The following NPR3 variants were observed in gnomAD, a reference collection of about 807,000 sequenced individuals.
The protein encoded by NPR3 is natriuretic peptide receptor 3.
A neutral mutation model predicts 54.5 loss-of-function variants in NPR3; 34 were observed. That is an observed-to-expected ratio of 0.62 (90% CI 0.47 to 0.83). The LOEUF (loss-of-function observed/expected upper bound fraction) is 0.83. Ranked by LOEUF, NPR3 falls within the 40% of genes least tolerant of loss-of-function variation. The pLI is 0.00. For missense variants in NPR3, 674 were observed against 720.8 expected (o/e 0.94, Z 0.74); for synonymous variants, 289 against 297.1 (o/e 0.97, Z 0.28).
At chr5:32,743,243 G>T (rs1279372491) in intron 3 of NPR3, among the ~76,000 whole-genome samples, 1 of 152,110 alleles carries the variant, frequency 6.6e-6, no homozygotes, top group Non-Finnish European at 1.5e-5. Context: ...GCAGTTTTAA[G>T]ATGCAATACA....
chr5:32,711,664 G>C lies in NPR3; in HGVS notation c.-113G>C. On this transcript the variant is annotated 5_prime_UTR_variant, in exon 1 of 8. Coordinates refer to ENST00000265074, the MANE Select transcript of NPR3 (RefSeq NM_001204375.2). ...AGGGGGTATTCTATTTTGTTAAAGC[G>C]CCCAAGGGGGCGCAGGGACCTTGGA... 4.6e-6 allele frequency: 6 copies of C among 1,309,070 alleles called. No individual in the cohort carries two copies. Among genetic ancestry groups the C allele is most frequent in the Non-Finnish European group, 5.8e-6 (6 of 1,033,452 alleles). 81.1% of individuals were successfully genotyped at this position (1,309,070 alleles called of 1,614,324 possible).
Position 32,786,587 on chromosome 5 carries a change from A to C in NPR3, c.*242A>C. The C allele has an allele frequency of 2.1e-6, 1 of 474,502 alleles. No individual in the cohort carries two copies. The highest frequency in any genetic ancestry group is 3.6e-6 in the Non-Finnish European group (1 of 273,982). 29.4% of individuals were successfully genotyped at this position (474,502 alleles called of 1,614,324 possible). On this transcript the variant is annotated 3_prime_UTR_variant, in exon 8 of 8. Transcript: ENST00000265074. The stretch of plus-strand genomic sequence containing the variant: ...TATCGTGTCACTCTGTTAAATGTTC[A>C]TACTGTTTCAAGCCCATATGATTAG...
At chr5:32,705,361 T>C (rs1737959830), upstream of NPR3, among the ~76,000 whole-genome samples, 1 of 152,244 alleles carries the variant, frequency 6.6e-6, no homozygotes, top group Non-Finnish European at 1.5e-5. Context: ...ATTCTCACAC[T>C]GCTATAAAGA....
At chr5:32,720,347 T>C (rs1400828828) in intron 1 of NPR3, among the ~76,000 whole-genome samples, 1 of 152,182 alleles carries the variant, frequency 6.6e-6, no homozygotes, top group African/African-American at 2.4e-5. Context: ...ACATTAGAGG[T>C]TTCTCCCAAT....
chr5:32,736,406 T>A (rs1003124543), intron 2 of NPR3, among the ~76,000 whole-genome samples: 6 of 152,222 alleles, frequency 3.9e-5, no homozygotes, highest in African/African-American at 1.2e-4. Flanking sequence ...GTGTGTTTTC[T>A]AATTACATAA....
chr5:32,789,817 C>T lies in NPR3; in HGVS notation c.*3472C>T, dbSNP rs1286867797. 2.0e-6 allele frequency: 1 copy of T among 490,834 alleles called. No homozygotes were observed. Among genetic ancestry groups the T allele is most frequent in the Non-Finnish European group, 4.2e-6 (1 of 240,570 alleles). 30.4% of individuals were successfully genotyped at this position (490,834 alleles called of 1,614,324 possible). A position where few individuals can be genotyped will look rare whatever the true frequency, so the allele number is the denominator to read the frequency against. ...CAGAAAGTAGGTTCCAGTGGCGTCA[C>T]TACCTTCTTGTAAGCCAGTATACAC... is the stretch of plus-strand genomic sequence containing the variant. On this transcript the variant is annotated 3_prime_UTR_variant, in exon 8 of 8. Coordinates refer to ENST00000265074, the MANE Select transcript of NPR3 (RefSeq NM_001204375.2).
At chr5:32,734,317 C>A (rs1194883792) in intron 2 of NPR3, among the ~76,000 whole-genome samples, 4 of 152,176 alleles carry the variant, frequency 2.6e-5, no homozygotes, top group South Asian at 4.1e-4. Flanking sequence ...TGGACACATT[C>A]TGTGATGTCT....
intron 1 of NPR3, among the ~76,000 whole-genome samples, chr5:32,720,819 T>C (rs759813740): frequency 6.6e-6 from 1 of 152,208 alleles, no homozygotes; most frequent in African/African-American, 2.4e-5. Flanking sequence ...GCAGCTAGTA[T>C]AGTTCTCCTG....
At position 32,724,694 on chromosome 5, in the gene NPR3, CT is replaced by C. The variant is rs1229427752; in HGVS notation, c.770-3del. The C allele has an allele frequency of 6.2e-7, 1 of 1,613,824 alleles. No individual in the cohort carries two copies. The highest frequency in any genetic ancestry group is 1.3e-5 in the African/African-American group (1 of 74,914). ...CTCATGTGTGTTGTTTGTTCCTCCC[CT>C]AGTGGTGATCATGTGTGCGAGCAGT... On this transcript the variant is annotated splice_polypyrimidine_tract_variant and splice_region_variant and intron_variant, in intron 1 of 7. Transcript: ENST00000265074.
intron 1 of NPR3, among the ~76,000 whole-genome samples, chr5:32,698,829 T>C (rs1740597997): frequency 6.6e-6 from 1 of 152,244 alleles, no homozygotes; most frequent in Admixed American, 6.5e-5. Context: ...GAATATCTTT[T>C]CCATCCCTTT....
Position 32,739,005 on chromosome 5 carries a change from A to T in NPR3, c.1034A>T (p.Lys345Ile). 1 of 1,613,970 alleles carries T rather than the reference A, an allele frequency of 6.2e-7. No individual in the cohort carries two copies. Among genetic ancestry groups the T allele is most frequent in the Non-Finnish European group, 8.5e-7 (1 of 1,179,858 alleles). ...FSMEVKSSVE[K>I]QGLNMEDYVN... ...ATGGAGGTGAAAAGTTCAGTTGAGA[A>T]ACAAGGGCTCAATATGGAGGATTAC... The change falls in exon 3 of 8, where the codon AAA becomes ATA. Residue 345 changes from lysine to isoleucine, a missense_variant. Lys to Ile is a moderately radical substitution (Grantham distance 102). Coordinates refer to ENST00000265074, the MANE Select transcript of NPR3 (RefSeq NM_001204375.2).
At chr5:32,773,626 CT>C (rs1443023957) in intron 3 of NPR3, among the ~76,000 whole-genome samples, 1 of 152,146 alleles carries the variant, frequency 6.6e-6, no homozygotes, top group South Asian at 2.1e-4. Flanking sequence ...CTCAGTTCGA[CT>C]TTTTTTCACT....
chr5:32,772,656 A>G (rs2112043427), intron 3 of NPR3, among the ~76,000 whole-genome samples: 1 of 152,342 alleles, frequency 6.6e-6, no homozygotes, highest in South Asian at 2.1e-4. Flanking sequence ...TACTGGTGTT[A>G]ATAATTTGAA....
intron 3 of NPR3, among the ~76,000 whole-genome samples, chr5:32,762,701 G>T (rs1412174784): frequency 1.3e-5 from 2 of 151,814 alleles, no homozygotes; most frequent in Admixed American, 1.3e-4. Flanking sequence ...TTGTAAATTT[G>T]TTTACGTTCT....
intron 1 of NPR3, among the ~76,000 whole-genome samples, chr5:32,715,040 C>T (rs965579994): frequency 6.6e-6 from 1 of 152,152 alleles, no homozygotes; most frequent in African/African-American, 2.4e-5. Flanking sequence ...AATAAATGTG[C>T]GGTTTCATTG....
chr5:32,779,558 C>A (rs1742232182), intron 4 of NPR3, among the ~76,000 whole-genome samples: 1 of 152,182 alleles, frequency 6.6e-6, no homozygotes, highest in African/African-American at 2.4e-5. Flanking sequence ...TCTCACAATT[C>A]TTCTGGTCTC....
Position 32,789,217 on chromosome 5 carries a change from C to T in NPR3, c.*2872C>T, listed in dbSNP as rs999764358. The T allele has an allele frequency of 1.4e-5, 4 of 288,780 alleles. No individual in the cohort carries two copies. Among genetic ancestry groups the T allele is most frequent in the East Asian group, 1.7e-4 (2 of 11,956 alleles). 17.9% of individuals were successfully genotyped at this position (288,780 alleles called of 1,614,324 possible). On this transcript the variant is annotated 3_prime_UTR_variant, in exon 8 of 8. Transcript: ENST00000265074. ...GCTGACATTGATACAGGTCAAAATG[C>T]GTAGATGCTTTTTGGTGTTGGAAAT... is the stretch of plus-strand genomic sequence containing the variant.
In NPR3 at chr5:32,711,526, G is replaced by A. The variant is rs1327699084; in HGVS notation, c.-251G>A. 5 of 1,199,770 alleles carry A rather than the reference G, an allele frequency of 4.2e-6. No homozygotes were observed. The highest frequency in any genetic ancestry group is 3.2e-4 in the Middle Eastern group (1 of 3,106). The allele number at this position is 1,199,770 out of a possible 1,614,324, so 74.3% of individuals were successfully genotyped here. A position where few individuals can be genotyped will look rare whatever the true frequency, so the allele number is the denominator to read the frequency against. ...GTATATATATATGTATATTACAGAC[G>A]CACAGGTTTACACCCGGTGAACTTT... is the stretch of plus-strand genomic sequence containing the variant. On this transcript the variant is annotated 5_prime_UTR_variant, in exon 1 of 8. Transcript: ENST00000265074.
intron 5 of NPR3, among the ~76,000 whole-genome samples, chr5:32,781,913 G>A (rs1003146421): frequency 2.6e-5 from 4 of 152,206 alleles, no homozygotes; most frequent in East Asian, 3.8e-4. Flanking sequence ...AGAACCTGCT[G>A]TACCTCTGTC....
Sources: allele counts gnomAD v4.1 joint callset (sites outside exome capture counted in the v4.1 genomes callset), GRCh38; gene constraint gnomAD v4.1.1; transcripts MANE v1.5; gene names NCBI Gene and HGNC (gene_info 2026-07-23, HGNC 2026-07-21).